The following PEAK1 variants were observed in gnomAD, a reference collection of about 807,000 sequenced individuals.
PEAK1 encodes the protein pseudopodium enriched atypical kinase 1.
PEAK1 carries 54 observed loss-of-function variants against 124.7 expected under a neutral mutation model. The ratio of observed to expected loss-of-function variants is 0.43; its 90% CI spans 0.35 to 0.54. The LOEUF (loss-of-function observed/expected upper bound fraction) is 0.54. Among genes scored for constraint, PEAK1 ranks in the 20% least tolerant of loss-of-function variants. PEAK1 has a pLI of 0.01. For synonymous variants in PEAK1, 719 were observed against 760.0 expected (o/e 0.95, Z 0.89); for missense variants, 2,046 against 2,134.5 (o/e 0.96, Z 0.82).
At chr15:77,197,602 G>A (rs879621537) in intron 6 of PEAK1, among the ~76,000 whole-genome samples, 1 of 152,028 alleles carries the variant, frequency 6.6e-6, no homozygotes, top group Non-Finnish European at 1.5e-5. Context: ...TAGCAGAGAA[G>A]TAGGTTTTTA....
intron 2 of PEAK1, among the ~76,000 whole-genome samples, chr15:77,295,390 G>A (rs1282069620): frequency 6.6e-6 from 1 of 152,138 alleles, no homozygotes; most frequent in Non-Finnish European, 1.5e-5. Flanking sequence ...ATTACAGTGA[G>A]AAGTGATCTT....
intron 1 of PEAK1, among the ~76,000 whole-genome samples, chr15:77,384,367 G>A (rs1335273107): frequency 6.6e-6 from 1 of 152,124 alleles, no homozygotes; most frequent in African/African-American, 2.4e-5. Context: ...GTTAAAAACA[G>A]AAACAACCCA....
At chr15:77,360,101 G>T (rs573435176) in intron 2 of PEAK1, among the ~76,000 whole-genome samples, 1 of 152,278 alleles carries the variant, frequency 6.6e-6, no homozygotes, top group East Asian at 1.9e-4. Context: ...TGAAAGTCCA[G>T]AAATAAACCC....
chr15:77,385,626 G>T (rs2069864259), intron 1 of PEAK1, among the ~76,000 whole-genome samples: 1 of 152,140 alleles, frequency 6.6e-6, no homozygotes, highest in Non-Finnish European at 1.5e-5. Context: ...GGCTATCTGG[G>T]GACTGGGTGC....
chr15:77,312,474 C>T (rs1333301752), intron 2 of PEAK1, among the ~76,000 whole-genome samples: 1 of 152,148 alleles, frequency 6.6e-6, no homozygotes, highest in Non-Finnish European at 1.5e-5. Context: ...TTCTGCCAAC[C>T]AAATAAATAA....
At chr15:77,298,360 A>G (rs778641653) in intron 2 of PEAK1, among the ~76,000 whole-genome samples, 47 of 150,604 alleles carry the variant, frequency 3.1e-4, no homozygotes, top group Non-Finnish European at 5.6e-4. Context: ...CTGGGACTAC[A>G]GGCGCCCGCC....
intron 7 of PEAK1, 130 bp downstream of exon 7, chr15:77,178,656 TAAAG>T: frequency 2.4e-6 from 2 of 841,656 alleles, no homozygotes; most frequent in Non-Finnish European, 3.6e-6. Context: ...AATGCAGTTA[TAAAG>T]ATAGATGATG....
intron 2 of PEAK1, among the ~76,000 whole-genome samples, chr15:77,312,839 G>A (rs1339950947): frequency 1.3e-5 from 2 of 152,218 alleles, no homozygotes; most frequent in Admixed American, 6.5e-5. Flanking sequence ...CCAGCACTGT[G>A]TCACAGGGCC....
chr15:77,344,910 C>T (rs10152584), intron 2 of PEAK1, among the ~76,000 whole-genome samples: 4 of 152,210 alleles, frequency 2.6e-5, no homozygotes, highest in Admixed American at 6.5e-5. Context: ...CCAGAAACTT[C>T]GCTGAATTGT....
intron 6 of PEAK1, among the ~76,000 whole-genome samples, chr15:77,202,796 G>A (rs1444965963): frequency 6.6e-6 from 1 of 151,504 alleles, no homozygotes; most frequent in Non-Finnish European, 1.5e-5. Context: ...ATCATCTTTG[G>A]GAGGCCGAGG....
At chr15:77,250,239 G>GTA (rs201948706) in intron 6 of PEAK1, among the ~76,000 whole-genome samples, 1 of 95,854 alleles carries the variant, frequency 1.0e-5, no homozygotes, top group African/African-American at 3.6e-5. Context: ...ATATGTATAT[G>GTA]TATATATATA....
intron 6 of PEAK1, among the ~76,000 whole-genome samples, chr15:77,200,854 G>T (rs2058327929): frequency 6.6e-6 from 1 of 151,796 alleles, no homozygotes; most frequent in Non-Finnish European, 1.5e-5. Context: ...CATTCTGCTT[G>T]GTAGGGAAAT....
At chr15:77,370,619 C>T (rs1278363257) in intron 1 of PEAK1, 1 of 852,926 alleles carries the variant, frequency 1.2e-6, no homozygotes, top group African/African-American at 1.8e-5. Flanking sequence ...CCCTTGCCTA[C>T]CCATAATTTT....
chr15:77,361,388 T>TA, intron 2 of PEAK1, among the ~76,000 whole-genome samples: 1 of 152,190 alleles, frequency 6.6e-6, no homozygotes, highest in Middle Eastern at 3.4e-3. Context: ...TGCAGTGAAC[T>TA]ATAATCATGC....
intron 1 of PEAK1, chr15:77,418,270 T>C (rs1340691308): frequency 2.0e-6 from 2 of 985,282 alleles, no homozygotes; most frequent in African/African-American, 1.7e-5. Context: ...AGCCTCTAAG[T>C]TGGGACAGGA....
chr15:77,152,418 A>G (rs1204969616), intron 8 of PEAK1, among the ~76,000 whole-genome samples: 1 of 152,028 alleles, frequency 6.6e-6, no homozygotes, highest in Non-Finnish European at 1.5e-5. Flanking sequence ...TAGATATACA[A>G]TCATGTCATC....
At chr15:77,323,397 C>T (rs979573024) in intron 2 of PEAK1, among the ~76,000 whole-genome samples, 1 of 152,008 alleles carries the variant, frequency 6.6e-6, no homozygotes, top group Non-Finnish European at 1.5e-5. Context: ...TTGTCTCAGC[C>T]CAAAATCTCC....
chr15:77,386,651 C>T (rs971524544), intron 1 of PEAK1, among the ~76,000 whole-genome samples: 2 of 152,090 alleles, frequency 1.3e-5, no homozygotes, highest in African/African-American at 4.8e-5. Context: ...AAATGAGAGA[C>T]TCAGAGATAG....
In PEAK1 at chr15:77,415,274, T is replaced by C. The variant is rs1221252056; in HGVS notation, c.-666+4732A>G. Among the ~76,000 whole-genome samples the C allele has an allele frequency of 2.6e-5, 4 of 152,348 alleles. 1 individual carries two copies. The South Asian group carries it at 8.3e-4, about 32-fold the overall frequency. ...CAATCCTTCTTCAGTTTCCTAGTCA[T>C]GTGTCTGTTTACCTCTCTCTCCCTT... On this transcript the variant is annotated intron_variant, in intron 1 of 9. Transcript: ENST00000682557.
Sources: allele counts gnomAD v4.1 joint callset (sites outside exome capture counted in the v4.1 genomes callset), GRCh38; gene constraint gnomAD v4.1.1; transcripts MANE v1.5; gene names NCBI Gene and HGNC (gene_info 2026-07-23, HGNC 2026-07-21).